The following DNMBP variants were observed in gnomAD, a reference collection of about 807,000 sequenced individuals.
DNMBP encodes dynamin binding protein, also known as dynamin-binding protein.
In DNMBP, 87 loss-of-function variants were observed where a neutral mutation model predicts 150.0. That is an observed-to-expected ratio of 0.58 (90% CI 0.49 to 0.69). The LOEUF is 0.69. DNMBP is among the 30% of genes least tolerant of loss of function. DNMBP has a pLI of 0.00. For synonymous variants in DNMBP, 711 were observed against 750.4 expected (o/e 0.95, Z 0.86); for missense variants, 1,774 against 1,949.0 (o/e 0.91, Z 1.69).
intron 16 of DNMBP, among the ~76,000 whole-genome samples, chr10:99,878,831 T>A (rs2039314623): frequency 6.6e-6 from 1 of 152,110 alleles, no homozygotes. Context: ...GCATACAGGT[T>A]AGTTCAAGAT....
At chr10:99,885,415 C>T (rs1433799969) in intron 14 of DNMBP, among the ~76,000 whole-genome samples, 1 of 152,016 alleles carries the variant, frequency 6.6e-6, no homozygotes, top group Non-Finnish European at 1.5e-5. Flanking sequence ...GAGGCTGAAG[C>T]AGGAGAATTC....
intron 1 of DNMBP, among the ~76,000 whole-genome samples, chr10:100,004,325 T>C (rs993608134): frequency 6.6e-6 from 1 of 151,790 alleles, no homozygotes; most frequent in African/African-American, 2.4e-5. Context: ...AAATTTTATA[T>C]GGAAAAAATA....
rs755640560 is a variant in DNMBP at position 99,956,590 on chromosome 10, C to T, written c.884G>A (p.Arg295Gln). The change falls in exon 4 of 17, where the codon CGG (arginine) becomes CAG (glutamine). Residue 295 changes from arginine (R) to glutamine (Q), a missense_variant. Around this residue, in one of 2 missense-constraint regions of DNMBP, gnomAD observed 344 missense variants for 456.6 expected, o/e 0.75. Transcript: ENST00000324109. ...TGTGTCAGGACATAATTTCACAAAC[C>T]GGTAAGGAAAGATGCCTGTCCTGCC... is the stretch of plus-strand genomic sequence containing the variant. ...LKGRTGIFPY[R>Q]FVKLCPDTRV... 28 of 1,614,108 alleles carry T rather than the reference C, an allele frequency of 1.7e-5. No individual in the cohort carries two copies. In the South Asian group the frequency reaches 2.4e-4, roughly 14 times the overall value.
chr10:99,997,461 C>G (rs957440479), intron 1 of DNMBP, among the ~76,000 whole-genome samples: 4 of 152,108 alleles, frequency 2.6e-5, no homozygotes, highest in Admixed American at 2.0e-4. Flanking sequence ...GCCAGTGAAT[C>G]CCTTCTATTT....
At chr10:99,921,403 T>C (rs980541348) in intron 4 of DNMBP, among the ~76,000 whole-genome samples, 7 of 152,200 alleles carry the variant, frequency 4.6e-5, no homozygotes, top group African/African-American at 1.7e-4. Flanking sequence ...GTAGAATATT[T>C]ATTGAGCATC....
intron 4 of DNMBP, among the ~76,000 whole-genome samples, chr10:99,954,376 G>T (rs192084753): frequency 2.0e-5 from 3 of 152,110 alleles, no homozygotes; most frequent in Non-Finnish European, 4.4e-5. Context: ...AATGAAGTCA[G>T]GAGGCTACAG....
At chr10:99,988,046 A>G (rs2040847109) in intron 1 of DNMBP, among the ~76,000 whole-genome samples, 1 of 151,876 alleles carries the variant, frequency 6.6e-6, no homozygotes, top group Non-Finnish European at 1.5e-5. Flanking sequence ...TCACAACTTC[A>G]CACCAGTTCT....
At chr10:99,977,780 T>G (rs1047827442) in intron 1 of DNMBP, among the ~76,000 whole-genome samples, 2 of 152,136 alleles carry the variant, frequency 1.3e-5, no homozygotes, top group African/African-American at 4.8e-5. Flanking sequence ...CTTTTAAAAA[T>G]TTTTTTCCAA....
chr10:99,953,199 T>C (rs993842916), intron 4 of DNMBP, among the ~76,000 whole-genome samples: 1 of 152,214 alleles, frequency 6.6e-6, no homozygotes, highest in Non-Finnish European at 1.5e-5. Flanking sequence ...CTATAGTTGT[T>C]AGAAACATAA....
chr10:99,987,010 C>T (rs2040835190), intron 1 of DNMBP, among the ~76,000 whole-genome samples: 1 of 151,648 alleles, frequency 6.6e-6, no homozygotes, highest in Non-Finnish European at 1.5e-5. Flanking sequence ...AAAAAATTAG[C>T]CGGGTGTGGT....
chr10:99,961,272 T>TC (rs1310172248), intron 3 of DNMBP, among the ~76,000 whole-genome samples: 6 of 125,402 alleles, frequency 4.8e-5, no homozygotes, highest in African/African-American at 1.7e-4. Context: ...TTTTTCTTTT[T>TC]TTTTTTTTTT....
chr10:99,892,196 A>G (rs1335549408), intron 11 of DNMBP, among the ~76,000 whole-genome samples: 2 of 143,906 alleles, frequency 1.4e-5, no homozygotes, highest in South Asian at 4.7e-4. Flanking sequence ...CTGCCCGGCC[A>G]GCCGCCCCGT....
chr10:99,915,117 A>ATATATG (rs1360379284), intron 4 of DNMBP, among the ~76,000 whole-genome samples: 1 of 138,466 alleles, frequency 7.2e-6, no homozygotes, highest in Non-Finnish European at 1.5e-5. Context: ...AAATATATAT[A>ATATATG]TATATATATA....
Position 99,885,642 on chromosome 10 carries a change from C to G in DNMBP, c.3798+45G>C, listed in dbSNP as rs994047810. 3 of 1,519,834 alleles carry G rather than the reference C, an allele frequency of 2.0e-6. No homozygotes were observed. In the Admixed American group the frequency reaches 6.3e-5, roughly 32 times the overall value. The allele number at this position is 1,519,834 out of a possible 1,614,324, so 94.1% of individuals were successfully genotyped here. A position where few individuals can be genotyped will look rare whatever the true frequency, so the allele number is the denominator to read the frequency against. On this transcript the variant is annotated intron_variant, in intron 14 of 16. Transcript: ENST00000324109. ...TGGGGGCCTGGCTGCAGGGTTCCCC[C>G]TCTTTACCCCGAGGCGGGGCTGCTG... is the stretch of plus-strand genomic sequence containing the variant.
chr10:99,878,078 G>A (rs1290351415), intron 16 of DNMBP, among the ~76,000 whole-genome samples: 1 of 152,176 alleles, frequency 6.6e-6, no homozygotes, highest in Non-Finnish European at 1.5e-5. Flanking sequence ...ACTCCAGCCT[G>A]GGCAACAGAG....
At position 99,955,619 on chromosome 10, in the gene DNMBP, C is replaced by CCGGA; in HGVS notation, c.1851_1854dup (p.Val619SerfsTer11). The CCGGA allele has an allele frequency of 6.2e-7, 1 of 1,614,112 alleles. No homozygotes were observed. Among genetic ancestry groups the CCGGA allele is most frequent in the Non-Finnish European group, 8.5e-7 (1 of 1,180,014 alleles). ...ACCAGCAAATGGGGAGAAGTGGATA[C>CCGGA]CGGAGTACAGGGACGAGGTGGCGGT... On this transcript the variant is annotated frameshift_variant, in exon 4 of 17. Transcript: ENST00000324109. LOFTEE classifies it high-confidence loss of function.
intron 4 of DNMBP, among the ~76,000 whole-genome samples, chr10:99,922,340 T>TC (rs1249851153): frequency 1.3e-5 from 2 of 152,030 alleles, no homozygotes; most frequent in Non-Finnish European, 2.9e-5. Context: ...GAAGAGTACA[T>TC]CTTCCCATCC....
chr10:99,987,936 AC>A (rs555661622), intron 1 of DNMBP, among the ~76,000 whole-genome samples: 21 of 152,314 alleles, frequency 1.4e-4, no homozygotes, highest in African/African-American at 4.3e-4. Context: ...CGATTAATTA[AC>A]TATGTCCTAG....
At chr10:99,926,282 T>C (rs544624737) in intron 4 of DNMBP, among the ~76,000 whole-genome samples, 1 of 152,312 alleles carries the variant, frequency 6.6e-6, no homozygotes, top group Non-Finnish European at 1.5e-5. Context: ...TTTTTAACTT[T>C]TATTTACTTT....
Sources: allele counts gnomAD v4.1 joint callset (sites outside exome capture counted in the v4.1 genomes callset), GRCh38; gene constraint gnomAD v4.1.1; regional missense constraint gnomAD v4.1.1; transcripts MANE v1.5; gene names NCBI Gene and HGNC (gene_info 2026-07-23, HGNC 2026-07-21).